The following SPRED2 variants were observed in gnomAD, a reference collection of about 807,000 sequenced individuals.
SPRED2 encodes the protein sprouty-related, EVH1 domain-containing protein 2.
Under a neutral mutation model 43.0 loss-of-function variants are expected in SPRED2, and 47 were observed. The ratio of observed to expected loss-of-function variants is 1.09; its 90% confidence interval spans 0.87 to 1.40. The LOEUF (loss-of-function observed/expected upper bound fraction) is 1.40, where lower values mean the gene tolerates loss of function less well. SPRED2 is among the 40% of genes most tolerant of loss of function. The pLI, the probability that SPRED2 is intolerant of heterozygous loss-of-function variation, is 0.00. For synonymous variants in SPRED2, 225 were observed against 225.7 expected, an observed-to-expected ratio of 1.00 and a Z score of 0.03; for missense variants, 561 against 586.4, an observed-to-expected ratio of 0.96 and a Z score of 0.45.
chr2:65,399,156 G>A (rs988367698), intron 1 of SPRED2, among the ~76,000 whole-genome samples: 2 of 151,588 alleles, frequency 1.3e-5, no homozygotes, highest in African/African-American at 4.8e-5. Flanking sequence ...TGTAGTCCCA[G>A]CTACTTGGGA....
intron 4 of SPRED2, among the ~76,000 whole-genome samples, chr2:65,328,421 G>A (rs1342253589): frequency 6.6e-6 from 1 of 152,204 alleles, no homozygotes; most frequent in African/African-American, 2.4e-5. Context: ...TTACGGGCTT[G>A]CATTCTGGGA....
At chr2:65,386,738 T>C (rs542835394) in intron 1 of SPRED2, among the ~76,000 whole-genome samples, 54 of 152,368 alleles carry the variant, frequency 3.5e-4, no homozygotes, top group Admixed American at 1.1e-3. Flanking sequence ...TCTTCAGCTG[T>C]CATTCTGTAT....
At chr2:65,388,231 A>G (rs1675547799) in intron 1 of SPRED2, among the ~76,000 whole-genome samples, 1 of 152,238 alleles carries the variant, frequency 6.6e-6, no homozygotes, top group African/African-American at 2.4e-5. Context: ...TGTATGGGGA[A>G]AAGAAAGTTC....
intron 1 of SPRED2, among the ~76,000 whole-genome samples, chr2:65,367,767 A>T (rs1234851779): frequency 1.3e-5 from 2 of 152,202 alleles, no homozygotes; most frequent in Non-Finnish European, 2.9e-5. Flanking sequence ...GTTATGAAGG[A>T]GAGGTGACTA....
chr2:65,372,476 T>C (rs1204456447), intron 1 of SPRED2, among the ~76,000 whole-genome samples: 1 of 152,174 alleles, frequency 6.6e-6, no homozygotes, highest in Non-Finnish European at 1.5e-5. Flanking sequence ...GTGCTGATTA[T>C]GTGGCTGATG....
chr2:65,328,509 C>G (rs558419459), intron 4 of SPRED2, among the ~76,000 whole-genome samples: 1 of 152,094 alleles, frequency 6.6e-6, no homozygotes, highest in Non-Finnish European at 1.5e-5. Flanking sequence ...ATGGAAGTGT[C>G]GATCTGTACT....
chr2:65,428,367 C>T (rs746315117), intron 1 of SPRED2, among the ~76,000 whole-genome samples: 2 of 152,256 alleles, frequency 1.3e-5, no homozygotes, highest in African/African-American at 4.8e-5. Context: ...CTTAAATACA[C>T]GTTACAAACG....
Position 65,387,803 on chromosome 2 carries a change from C to T in SPRED2, c.27-42907G>A, listed in dbSNP as rs769283195. On this transcript the variant is annotated intron_variant, in intron 1 of 5. Coordinates refer to ENST00000356388, the MANE Select transcript of SPRED2 (RefSeq NM_181784.3). ...AGGGAAAGCAAATTCTTTTCTTTTT[C>T]TTTTTTTTTTTGAGAGTTTGGCTCT... is the stretch of plus-strand genomic sequence containing the variant. Among the ~76,000 whole-genome samples the T allele has an allele frequency of 3.7e-3, 386 of 104,776 alleles. 7 individuals are homozygous for T. The highest frequency in any genetic ancestry group is 5.8e-3 in the Non-Finnish European group (248 of 42,460). 68.7% of individuals were successfully genotyped at this position (104,776 alleles called of 152,430 possible).
chr2:65,327,136 G>A (rs114043217), intron 4 of SPRED2, among the ~76,000 whole-genome samples: 3,978 of 152,218 alleles, frequency 0.026, 64 homozygotes, highest in Non-Finnish European at 0.041. Context: ...GATTACAGTT[G>A]TGAGCCACCA....
intron 4 of SPRED2, among the ~76,000 whole-genome samples, 180 bp downstream of exon 4, chr2:65,331,807 C>T (rs574130350): frequency 6.6e-6 from 1 of 152,306 alleles, no homozygotes; most frequent in East Asian, 1.9e-4. Context: ...CTCACTGCAG[C>T]GTGAGCAACA....
chr2:65,379,764 C>G (rs1014504634), intron 1 of SPRED2, among the ~76,000 whole-genome samples: 6 of 152,190 alleles, frequency 3.9e-5, no homozygotes, highest in African/African-American at 1.4e-4. Context: ...ACTTTCTCCA[C>G]AGCAAAGTCC....
chr2:65,368,483 G>C (rs1675040367), intron 1 of SPRED2, among the ~76,000 whole-genome samples: 1 of 152,156 alleles, frequency 6.6e-6, no homozygotes, highest in Non-Finnish European at 1.5e-5. Context: ...TAATAAACTT[G>C]TAGTCTAATT....
intron 1 of SPRED2, among the ~76,000 whole-genome samples, chr2:65,371,117 C>T (rs184739602): frequency 2.0e-5 from 3 of 152,278 alleles, no homozygotes; most frequent in Non-Finnish European, 4.4e-5. Flanking sequence ...AAATGAGGGC[C>T]AACCCAGAAA....
At chr2:65,411,767 T>C (rs1328303932) in intron 1 of SPRED2, among the ~76,000 whole-genome samples, 1 of 152,164 alleles carries the variant, frequency 6.6e-6, no homozygotes, top group Non-Finnish European at 1.5e-5. Flanking sequence ...TAAAAAGCAC[T>C]GGGTGGCTAG....
chr2:65,410,685 C>T (rs1406647929), intron 1 of SPRED2, among the ~76,000 whole-genome samples: 2 of 149,890 alleles, frequency 1.3e-5, no homozygotes, highest in East Asian at 2.0e-4. Context: ...CGTGAACCCG[C>T]GAGGCGGAGC....
At chr2:65,403,515 C>G (rs897232512) in intron 1 of SPRED2, among the ~76,000 whole-genome samples, 3 of 152,200 alleles carry the variant, frequency 2.0e-5, no homozygotes, top group African/African-American at 7.2e-5. Context: ...AATCCCCCCA[C>G]CTTGGCCTCC....
intron 1 of SPRED2, among the ~76,000 whole-genome samples, chr2:65,368,772 C>T (rs866513701): frequency 7.2e-5 from 11 of 152,276 alleles, no homozygotes; most frequent in Middle Eastern, 3.4e-3. Flanking sequence ...TATATAACCC[C>T]TATTCCTAAA....
intron 1 of SPRED2, among the ~76,000 whole-genome samples, chr2:65,407,684 T>C (rs1036071792): frequency 6.6e-6 from 1 of 152,164 alleles, no homozygotes; most frequent in Non-Finnish European, 1.5e-5. Context: ...GCTGGATCAC[T>C]TGTCCTTTCA....
chr2:65,327,494 G>A (rs994380742), intron 4 of SPRED2, among the ~76,000 whole-genome samples: 2 of 152,020 alleles, frequency 1.3e-5, no homozygotes, highest in Non-Finnish European at 2.9e-5. Context: ...ATTACATGTC[G>A]ATAAAAAGAT....
Sources: gnomAD v4.1 joint callset for allele counts (sites outside exome capture counted in the v4.1 genomes callset) on GRCh38, gnomAD v4.1.1 for gene constraint, MANE v1.5 for transcripts, NCBI Gene and HGNC (gene_info 2026-07-23, HGNC 2026-07-21) for gene names.